Variants in DNAJC6 observed in about 807,000 individuals in gnomAD.
DNAJC6 encodes auxilin.
Under a neutral mutation model 110.0 loss-of-function variants are expected in DNAJC6, and 34 were observed. The observed-to-expected ratio is 0.31, with a 90% CI of 0.24 to 0.41. DNAJC6 has a LOEUF of 0.41. Among genes scored for constraint, DNAJC6 ranks in the 10% least tolerant of loss-of-function variants. The probability of loss-of-function intolerance (pLI) is 1.00; values close to 1 mark genes in which losing one functional copy is unlikely to be tolerated. For missense variants in DNAJC6, 1,031 were observed against 1,207.8 expected (o/e 0.85, Z 2.17); for synonymous variants, 406 against 437.2 (o/e 0.93, Z 0.89).
intron 2 of DNAJC6, 123 bp downstream of exon 2, chr1:65,364,908 T>G: frequency 2.3e-6 from 3 of 1,328,410 alleles, no homozygotes; most frequent in Admixed American, 4.2e-5. Flanking sequence ...TGGGATCTGA[T>G]GAACTGAGAA....
At chr1:65,320,386 A>G (rs1645187017) in intron 1 of DNAJC6, among the ~76,000 whole-genome samples, 1 of 152,112 alleles carries the variant, frequency 6.6e-6, no homozygotes, top group African/African-American at 2.4e-5. Flanking sequence ...CAACCCTTCC[A>G]TGTCTAAATT....
chr1:65,317,264 A>T (rs1645156878), intron 1 of DNAJC6, among the ~76,000 whole-genome samples: 1 of 152,222 alleles, frequency 6.6e-6, no homozygotes, highest in Non-Finnish European at 1.5e-5. Context: ...GAAAAAACTA[A>T]ATTACAGTTA....
chr1:65,372,146 GGTGTGTGTGT>G (rs59816601), intron 4 of DNAJC6, among the ~76,000 whole-genome samples: 52 of 141,080 alleles, frequency 3.7e-4, no homozygotes, highest in Middle Eastern at 7.2e-3. Flanking sequence ...TGACATTTGG[GGTGTGTGTGT>G]GTGTGTGTGT....
chr1:65,295,167 C>T (rs1350275184), intron 1 of DNAJC6, among the ~76,000 whole-genome samples: 2 of 152,082 alleles, frequency 1.3e-5, no homozygotes, highest in African/African-American at 2.4e-5. Context: ...TCTGAATTAA[C>T]TAAATTGAAA....
Position 65,323,559 on chromosome 1 carries a change from C to T in DNAJC6, c.193+13621C>T, listed in dbSNP as rs1011670227. Among the ~76,000 whole-genome samples, 8 of 152,062 alleles carry T rather than the reference C, an allele frequency of 5.3e-5. No homozygotes were observed. The East Asian group carries it at 1.2e-3, about 22-fold the overall frequency. ...CCCAGGCTCAGGTAGTTCCTTATAGCGATGTGAAACTAGATTAATACACCT... is the reference window on the plus strand; with the variant it reads ...CCCAGGCTCAGGTAGTTCCTTATAGTGATGTGAAACTAGATTAATACACCT... On this transcript the variant is annotated intron_variant, in intron 1 of 18. Coordinates refer to ENST00000371069, the MANE Select transcript of DNAJC6 (RefSeq NM_001256864.2).
chr1:65,335,939 T>C (rs892845629), intron 1 of DNAJC6, among the ~76,000 whole-genome samples: 1 of 152,046 alleles, frequency 6.6e-6, no homozygotes, highest in Non-Finnish European at 1.5e-5. Flanking sequence ...TTGCAATAAT[T>C]CAGATGAGAA....
intron 1 of DNAJC6, among the ~76,000 whole-genome samples, chr1:65,331,318 A>G (rs1470507325): frequency 6.6e-6 from 1 of 152,254 alleles, no homozygotes; most frequent in Non-Finnish European, 1.5e-5. Context: ...ACTGAAAATC[A>G]GAATCTTTGG....
chr1:65,320,385 C>T (rs1446095582), intron 1 of DNAJC6, among the ~76,000 whole-genome samples: 1 of 152,130 alleles, frequency 6.6e-6, no homozygotes, highest in Non-Finnish European at 1.5e-5. Context: ...TCAACCCTTC[C>T]ATGTCTAAAT....
rs1646127240 is a variant in DNAJC6, at chr1:65,411,393, C to T, written c.2778C>T (p.Tyr926=). The change falls in exon 18 of 19, where the codon TAC becomes TAT. Residue 926 remains tyrosine (Y), a synonymous_variant. Transcript: ENST00000371069. ...LVTPEQVKKV[Y]RKAVLVVHPD... Reference sequence around the variant, plus strand: ...CACCAGAGCAGGTGAAGAAGGTGTACAGGAAGGCTGTCCTGGTGGTGCACC... The same window carrying T: ...CACCAGAGCAGGTGAAGAAGGTGTATAGGAAGGCTGTCCTGGTGGTGCACC... 2 of 1,614,020 alleles carry T rather than the reference C, an allele frequency of 1.2e-6. No individual in the cohort carries two copies. The highest frequency in any genetic ancestry group is 1.7e-6 in the Non-Finnish European group (2 of 1,179,974).
chr1:65,276,943 C>G (rs1454719839), intron 1 of DNAJC6, among the ~76,000 whole-genome samples: 1 of 152,184 alleles, frequency 6.6e-6, no homozygotes, highest in Non-Finnish European at 1.5e-5. Flanking sequence ...GGAAAATGGG[C>G]TTGCAGAAAG....
At chr1:65,391,686 GAA>G (rs113399410) in intron 11 of DNAJC6, among the ~76,000 whole-genome samples, 1 of 150,190 alleles carries the variant, frequency 6.7e-6, no homozygotes, top group Non-Finnish European at 1.5e-5. Flanking sequence ...CATAGTGCCT[GAA>G]AAAAAAAATC....
chr1:65,395,502 C>T (rs1053134226), intron 13 of DNAJC6, among the ~76,000 whole-genome samples: 2 of 152,112 alleles, frequency 1.3e-5, no homozygotes, highest in Non-Finnish European at 2.9e-5. Context: ...ATGATAGCCA[C>T]TAGTTACGTG....
At chr1:65,394,477 T>A (rs1472980197) in intron 12 of DNAJC6, among the ~76,000 whole-genome samples, 1 of 152,224 alleles carries the variant, frequency 6.6e-6, no homozygotes, top group Non-Finnish European at 1.5e-5. Flanking sequence ...ATTAGCATTG[T>A]TGCAAAGACT....
intron 4 of DNAJC6, among the ~76,000 whole-genome samples, chr1:65,375,583 G>A (rs373762338): frequency 5.3e-5 from 8 of 151,968 alleles, no homozygotes; most frequent in Non-Finnish European, 1.2e-4. Flanking sequence ...CTGCCACCAC[G>A]CCCGGCTAAT....
chr1:65,337,380 A>G (rs1645347836), intron 1 of DNAJC6, among the ~76,000 whole-genome samples: 1 of 151,638 alleles, frequency 6.6e-6, no homozygotes, highest in Non-Finnish European at 1.5e-5. Context: ...AGTAAAGTTC[A>G]TATAGCAAAC....
chr1:65,307,004 C>CTA (rs1305015880), upstream of DNAJC6, among the ~76,000 whole-genome samples: 5 of 106,744 alleles, frequency 4.7e-5, no homozygotes, highest in African/African-American at 2.1e-4. Context: ...CTCTCTCTCT[C>CTA]TCTCTCTCTC....
At chr1:65,336,258 A>G (rs1368251730) in intron 1 of DNAJC6, among the ~76,000 whole-genome samples, 1 of 152,076 alleles carries the variant, frequency 6.6e-6, no homozygotes, top group East Asian at 1.9e-4. Context: ...CCCCTATGAA[A>G]CTATTATATC....
intron 1 of DNAJC6, among the ~76,000 whole-genome samples, chr1:65,325,789 A>G (rs1232074545): frequency 1.3e-5 from 2 of 152,264 alleles, no homozygotes. Context: ...ACAAACCTGC[A>G]TGGTATAGCC....
Position 65,275,262 on chromosome 1 carries a change from A to G in DNAJC6, c.-131+10330A>G, listed in dbSNP as rs555037646. On this transcript the variant is annotated intron_variant, in intron 1 of 19. Transcript: ENST00000263441. The stretch of plus-strand genomic sequence containing the variant: ...CCCTTTAGGATTTCTTGTAGTGCAT[A>G]TATGCTAGAAACAAATATTCTCAGT... 1.0e-3 allele frequency among the ~76,000 whole-genome samples: 157 copies of G among 152,264 alleles called. 1 individual carries two copies. Among genetic ancestry groups the G allele is most frequent in the Non-Finnish European group, 1.8e-3 (123 of 68,022 alleles).
Sources: allele counts gnomAD v4.1 joint callset (sites outside exome capture counted in the v4.1 genomes callset), GRCh38; gene constraint gnomAD v4.1.1; transcripts MANE v1.5; gene names NCBI Gene and HGNC (gene_info 2026-07-23, HGNC 2026-07-21).